The following PHF21B variants were observed in gnomAD, a reference collection of about 807,000 sequenced individuals.
PHF21B encodes the protein PHD finger protein 21B.
PHF21B carries 22 observed loss-of-function variants against 62.2 expected under a neutral mutation model. That is an observed-to-expected ratio of 0.35 (90% CI 0.25 to 0.51). The LOEUF (loss-of-function observed/expected upper bound fraction) is 0.51, where lower values mean the gene tolerates loss of function less well. PHF21B is among the 20% of genes least tolerant of loss of function. PHF21B has a pLI of 0.97. For synonymous variants in PHF21B, 341 were observed against 314.7 expected, an observed-to-expected ratio of 1.08 and a Z score of -0.88; for missense variants, 701 against 707.9, an observed-to-expected ratio of 0.99 and a Z score of 0.11.
chr22:44,961,046 T>A (rs998171668), intron 2 of PHF21B, among the ~76,000 whole-genome samples: 22 of 148,594 alleles, frequency 1.5e-4, no homozygotes, highest in African/African-American at 5.4e-4. Flanking sequence ...AACTTCTGAC[T>A]CCCTGGTTCA....
intron 3 of PHF21B, among the ~76,000 whole-genome samples, chr22:44,918,594 C>T (rs1247057848): frequency 6.6e-6 from 1 of 152,244 alleles, no homozygotes; most frequent in African/African-American, 2.4e-5. Context: ...GGCCCCAACA[C>T]AGGCTGCCTA....
At chr22:44,951,771 C>A (rs1244950102) in intron 2 of PHF21B, among the ~76,000 whole-genome samples, 1 of 152,126 alleles carries the variant, frequency 6.6e-6, no homozygotes, top group Non-Finnish European at 1.5e-5. Flanking sequence ...GAGTCAGGCA[C>A]TCATTTTTTT....
chr22:44,987,392 G>C (rs1166626736), intron 2 of PHF21B, among the ~76,000 whole-genome samples: 1 of 152,184 alleles, frequency 6.6e-6, no homozygotes, highest in Non-Finnish European at 1.5e-5. Flanking sequence ...AGAGGCACCA[G>C]GACCTAAGCT....
intron 2 of PHF21B, among the ~76,000 whole-genome samples, chr22:44,960,427 C>A (rs2072395097): frequency 6.6e-6 from 1 of 152,212 alleles, no homozygotes; most frequent in Non-Finnish European, 1.5e-5. Context: ...ACTATGGTCA[C>A]CTGCTCCCCA....
chr22:44,927,003 G>A (rs115747775), intron 2 of PHF21B, among the ~76,000 whole-genome samples: 1,724 of 152,200 alleles, frequency 0.011, 36 homozygotes, highest in African/African-American at 0.04. Flanking sequence ...TCTGGTCAAG[G>A]CTCGACGCTC....
At chr22:44,992,321 C>T (rs1024283346) in intron 2 of PHF21B, among the ~76,000 whole-genome samples, 1 of 152,218 alleles carries the variant, frequency 6.6e-6, no homozygotes, top group Non-Finnish European at 1.5e-5. Flanking sequence ...GAGGAACTGA[C>T]GGGGACGGGG....
chr22:44,905,396 T>C (rs934301287), intron 5 of PHF21B, among the ~76,000 whole-genome samples: 1 of 152,228 alleles, frequency 6.6e-6, no homozygotes, highest in African/African-American at 2.4e-5. Flanking sequence ...AAATGTTTTA[T>C]ATCCTTGGTT....
At chr22:44,916,213 A>G (rs755936939) in intron 4 of PHF21B, 67 bp downstream of exon 4, 13 of 1,470,790 alleles carry the variant, frequency 8.8e-6, no homozygotes, top group Non-Finnish European at 1.2e-5. Context: ...GCCCTTCCCA[A>G]ATGATTGCTC....
chr22:44,898,562 C>T (rs4823407), intron 5 of PHF21B, among the ~76,000 whole-genome samples: 142,724 of 152,266 alleles, frequency 0.94, 66,975 homozygotes, highest in East Asian at 0.98. Context: ...GCTTTTTTCA[C>T]TTTGTTGCCA....
At chr22:44,974,923 A>G (rs373887494) in intron 2 of PHF21B, among the ~76,000 whole-genome samples, 1 of 152,226 alleles carries the variant, frequency 6.6e-6, no homozygotes, top group Non-Finnish European at 1.5e-5. Context: ...AAGCAGATCA[A>G]AATGAAATGT....
intron 2 of PHF21B, among the ~76,000 whole-genome samples, chr22:44,987,507 A>G (rs1456613084): frequency 2.0e-5 from 3 of 152,184 alleles, no homozygotes; most frequent in Non-Finnish European, 2.9e-5. Flanking sequence ...AGGGTGCTTA[A>G]TAACAGGCTC....
chr22:44,984,284 C>CCAT (rs1475254230), intron 2 of PHF21B, among the ~76,000 whole-genome samples: 15 of 147,798 alleles, frequency 1.0e-4, no homozygotes, highest in Non-Finnish European at 2.0e-4. Flanking sequence ...ACCACCACCA[C>CCAT]CATCATCATC....
intron 1 of PHF21B, 198 bp from the exon 2 acceptor site, chr22:45,008,808 T>G: frequency 1.7e-6 from 2 of 1,178,600 alleles, no homozygotes; most frequent in Non-Finnish European, 2.1e-6. Flanking sequence ...GGCTGCCGCC[T>G]CATCGGGGCA....
At chr22:44,897,750 A>G (rs1055794457) in intron 5 of PHF21B, among the ~76,000 whole-genome samples, 1 of 152,170 alleles carries the variant, frequency 6.6e-6, no homozygotes, top group Non-Finnish European at 1.5e-5. Flanking sequence ...CATCGCAACT[A>G]AAGAACCAAC....
intron 2 of PHF21B, among the ~76,000 whole-genome samples, chr22:44,944,894 A>G (rs950797376): frequency 2.6e-5 from 4 of 152,268 alleles, no homozygotes; most frequent in African/African-American, 9.6e-5. Context: ...CAGTCAGGCA[A>G]GAGCTGGGCC....
chr22:44,895,991 C>G, intron 6 of PHF21B, 41 bp downstream of exon 6: 1 of 1,612,080 alleles, frequency 6.2e-7, no homozygotes, highest in South Asian at 1.1e-5. Context: ...GCTTTCGGGT[C>G]AGTCCCAGCC....
chr22:44,958,529 C>T (rs1027537498), intron 2 of PHF21B, among the ~76,000 whole-genome samples: 1 of 152,006 alleles, frequency 6.6e-6, no homozygotes, highest in Non-Finnish European at 1.5e-5. Context: ...CTCACCTAGT[C>T]CCATTCCATT....
rs924558055 is a variant in PHF21B at position 44,994,330 on chromosome 22, G to A, written c.120+14215C>T. Among the ~76,000 whole-genome samples the A allele has an allele frequency of 4.6e-5, 7 of 152,232 alleles. No individual in the cohort carries two copies. The East Asian group carries it at 1.3e-3, about 29-fold the overall frequency. Reference sequence around the variant, plus strand: ...CATGACTGGCGAGCTTATAAGACAAGGAGAAAAGACTCCCAGACAGACCCT... The same window carrying A: ...CATGACTGGCGAGCTTATAAGACAAAGAGAAAAGACTCCCAGACAGACCCT... On this transcript the variant is annotated intron_variant, in intron 2 of 12. Transcript: ENST00000313237.
intron 2 of PHF21B, among the ~76,000 whole-genome samples, chr22:44,982,508 C>T (rs1051562266): frequency 1.1e-4 from 16 of 152,112 alleles, no homozygotes; most frequent in African/African-American, 3.1e-4. Flanking sequence ...ACTCTAAGCC[C>T]GTGTCCTCCC....
Sources: gnomAD v4.1 joint callset for allele counts (sites outside exome capture counted in the v4.1 genomes callset) on GRCh38, gnomAD v4.1.1 for gene constraint, MANE v1.5 for transcripts, NCBI Gene and HGNC (gene_info 2026-07-23, HGNC 2026-07-21) for gene names.